The following STKLD1 variants were observed in gnomAD, a reference collection of about 807,000 sequenced individuals.
STKLD1 encodes serine/threonine kinase like domain containing 1.
In STKLD1, 79 loss-of-function variants were observed where a neutral mutation model predicts 80.4. That is an observed-to-expected ratio of 0.98 (90% CI 0.82 to 1.19). STKLD1 has a LOEUF of 1.19. STKLD1 is among the 50% of genes most tolerant of loss of function. The pLI is 0.00. For missense variants in STKLD1, 841 were observed against 856.0 expected (o/e 0.98, Z 0.22); for synonymous variants, 393 against 357.6 (o/e 1.10, Z -1.12).
chr9:133,401,129 A>G (rs992672683), intron 12 of STKLD1, among the ~76,000 whole-genome samples: 1 of 118,950 alleles, frequency 8.4e-6, no homozygotes, highest in Non-Finnish European at 1.8e-5. Context: ...TTTGAAACAA[A>G]AAGTATTTAG....
intron 2 of STKLD1, among the ~76,000 whole-genome samples, chr9:133,379,854 C>A (rs896263116): frequency 6.6e-6 from 1 of 152,190 alleles, no homozygotes; most frequent in African/African-American, 2.4e-5. Context: ...GCGGGAGGAG[C>A]CTTGTCAGCA....
At chr9:133,402,413 C>G (rs1213554076) in intron 13 of STKLD1, among the ~76,000 whole-genome samples, 1 of 152,190 alleles carries the variant, frequency 6.6e-6, no homozygotes, top group East Asian at 1.9e-4. Flanking sequence ...CCCCAGCACC[C>G]TCTTTACTGC....
intron 8 of STKLD1, among the ~76,000 whole-genome samples, chr9:133,395,302 G>C (rs1838530900): frequency 6.6e-6 from 1 of 152,074 alleles, no homozygotes; most frequent in Non-Finnish European, 1.5e-5. Context: ...GTGACCCTGG[G>C]CATGCTCACA....
chr9:133,376,607 G>C, intron 1 of STKLD1, 47 bp downstream of exon 1: 1 of 1,502,136 alleles, frequency 6.7e-7, no homozygotes, highest in South Asian at 1.2e-5. Flanking sequence ...TGGGGTAACG[G>C]TCGCAACCCT....
chr9:133,394,032 G>T lies in STKLD1; in HGVS notation c.584-259G>T. The T allele has an allele frequency of 2.1e-6, 1 of 487,520 alleles. No individual in the cohort carries two copies. Among genetic ancestry groups the T allele is most frequent in the Non-Finnish European group, 3.7e-6 (1 of 269,382 alleles). 30.2% of individuals were successfully genotyped at this position (487,520 alleles called of 1,614,324 possible). On this transcript the variant is annotated intron_variant, in intron 7 of 17. Transcript: ENST00000371957. The surrounding 1 kb of genome is among the most constrained non-coding windows in gnomAD (Gnocchi z 4.9). ...GGCACACAGACACACCACCTATATG[G>T]GCCAGCCTGGTGGGCACCCACCAAG...
Position 133,384,144 on chromosome 9 carries a change from A to C in STKLD1, c.219+244A>C. On this transcript the variant is annotated intron_variant, in intron 3 of 17. Coordinates refer to ENST00000371957, the MANE Select transcript of STKLD1 (RefSeq NM_153710.5). This position sits in a 1 kb window ranked among gnomAD's most constrained non-coding sequence, Gnocchi z 4.3. ...GAACATATGTTCCCAGAGAACATAA[A>C]ATTTAAATATTGGGCTGGGCACGGT... The C allele has an allele frequency of 1.9e-6, 1 of 530,160 alleles. No homozygotes were observed. The allele number at this position is 530,160 out of a possible 1,614,324, so 32.8% of individuals were successfully genotyped here.
In STKLD1 at chr9:133,385,774, C is replaced by T; in HGVS notation, c.294+83C>T. 1 of 1,278,032 alleles carries T rather than the reference C, an allele frequency of 7.8e-7. No homozygotes were observed. Among genetic ancestry groups the T allele is most frequent in the South Asian group, 1.2e-5 (1 of 80,842 alleles). 79.2% of individuals were successfully genotyped at this position (1,278,032 alleles called of 1,614,324 possible). A position where few individuals can be genotyped will look rare whatever the true frequency, so the allele number is the denominator to read the frequency against. ...GCAGACTGAGCCCAGAGCACGCCCA[C>T]CCCCCACTGTCAGAATAGCTCGTGT... On this transcript the variant is annotated intron_variant, in intron 4 of 17. Transcript: ENST00000371957. The surrounding 1 kb of genome is among the most constrained non-coding windows in gnomAD (Gnocchi z 4.9).
chr9:133,404,671 G>T, intron 16 of STKLD1, 118 bp from the exon 17 acceptor site: 1 of 1,426,130 alleles, frequency 7.0e-7, no homozygotes, highest in Non-Finnish European at 9.4e-7. Context: ...CCTGGGTCCC[G>T]TCTCTTGTCC....
intron 4 of STKLD1, 38 bp from the exon 5 acceptor site, chr9:133,387,409 C>T (rs1394765994): frequency 1.9e-6 from 3 of 1,572,150 alleles, no homozygotes; most frequent in Admixed American, 1.7e-5. Flanking sequence ...GCACCGGGGC[C>T]TGGGCGTCCT....
Position 133,405,289 on chromosome 9 carries a change from GGC to G in STKLD1, c.1912_1913del (p.Ala638ProfsTer16). On this transcript the variant is annotated frameshift_variant, in exon 18 of 18. Transcript: ENST00000371957. LOFTEE classifies it low-confidence loss of function (END_TRUNC). ...CGGAGCTGGTGTCCAGTAGTATGAA[GGC>G]CCTGCTCCAGGAGATCAAGGAGCGC... ...LPELVSSSMK[A>X]LLQEIKERFT... 1 of 1,612,670 alleles carries G rather than the reference GGC, an allele frequency of 6.2e-7. No individual in the cohort carries two copies. The highest frequency in any genetic ancestry group is 8.5e-7 in the Non-Finnish European group (1 of 1,179,732).
chr9:133,379,801 G>A (rs1310780550), intron 2 of STKLD1, among the ~76,000 whole-genome samples: 1 of 152,232 alleles, frequency 6.6e-6, no homozygotes, highest in African/African-American at 2.4e-5. Context: ...CCTCCTCTCT[G>A]TGGTGGTGGC....
rs113247190 is a variant in STKLD1, at chr9:133,389,605, G to A, written c.467+9G>A. The A allele has an allele frequency of 4.3e-3, 6,935 of 1,613,462 alleles. 124 individuals are homozygous for A. In the African/African-American group the frequency reaches 0.048, roughly 11 times the overall value. On this transcript the variant is annotated intron_variant, in intron 6 of 17. Coordinates refer to ENST00000371957, the MANE Select transcript of STKLD1 (RefSeq NM_153710.5). The surrounding 1 kb of genome is among the most constrained non-coding windows in gnomAD (Gnocchi z 6.4). ...TTGGACATCATCCACAGGTAAGTGG[G>A]GCCCCTGACCTCTGCGGACTGGCTG...
In STKLD1 at chr9:133,387,536, C is replaced by G. The variant is rs1838291925; in HGVS notation, c.384C>G (p.Ile128Met). The G allele has an allele frequency of 1.9e-6, 3 of 1,613,892 alleles. No individual in the cohort carries two copies. The Admixed American group carries it at 5.0e-5, about 27-fold the overall frequency. ...AGGATAAGAGGAAGGCAAAGAAAAT[C>G]ATTGACTCTGAGGTGAGGTCCTTTG... ...VIEDKRKAKK[I>M]IDSEWMQNVL... The change falls in exon 5 of 18, where the codon ATC becomes ATG. Residue 128 changes from isoleucine (I) to methionine (M), a missense_variant. Physicochemically the swap from Ile to Met is conservative, Grantham distance 10. Coordinates refer to ENST00000371957, the MANE Select transcript of STKLD1 (RefSeq NM_153710.5).
chr9:133,377,531 C>T (rs984487806), intron 1 of STKLD1, among the ~76,000 whole-genome samples: 3 of 152,132 alleles, frequency 2.0e-5, no homozygotes, highest in Admixed American at 6.5e-5. Flanking sequence ...GGTGTGGTGG[C>T]GCATGCCTGT....
chr9:133,403,978 G>A lies in STKLD1; in HGVS notation c.1662G>A (p.Arg554=). 3 of 1,611,690 alleles carry A rather than the reference G, an allele frequency of 1.9e-6. No individual in the cohort carries two copies. The South Asian group carries it at 3.3e-5, about 18-fold the overall frequency. ...QVVALLLQSI[R]LCQDRALLVN... ...TGGCGCTGCTCCTGCAAAGCATCCG[G>A]CTGTGCCAGGACAGAGCCCTGCTGG... Residue 554 remains arginine, a synonymous_variant, in exon 16 of 18, where the codon CGG becomes CGA. Coordinates refer to ENST00000371957, the MANE Select transcript of STKLD1 (RefSeq NM_153710.5).
At chr9:133,401,656 C>A in intron 12 of STKLD1, 82 bp from the exon 13 acceptor site, 4 of 1,484,532 alleles carry the variant, frequency 2.7e-6, no homozygotes, top group East Asian at 2.4e-5. Context: ...AGATGCTATC[C>A]CCCAGCCTGT....
chr9:133,383,253 TGGTGTTG>T (rs1838183781), intron 2 of STKLD1, among the ~76,000 whole-genome samples: 1 of 44,764 alleles, frequency 2.2e-5, no homozygotes, highest in Non-Finnish European at 4.8e-5. Flanking sequence ...GTGATGGTGG[TGGTGTTG>T]GAGTGATGGT....
At position 133,394,554 on chromosome 9, in the gene STKLD1, C is replaced by G; in HGVS notation, c.702+145C>G. 1.5e-6 allele frequency: 1 copy of G among 672,712 alleles called. No individual in the cohort carries two copies. Among genetic ancestry groups the G allele is most frequent in the Non-Finnish European group, 2.7e-6 (1 of 375,460 alleles). 41.7% of individuals were successfully genotyped at this position (672,712 alleles called of 1,614,324 possible). A position where few individuals can be genotyped will look rare whatever the true frequency, so the allele number is the denominator to read the frequency against. ...TGCACAGAGCCCTCTTCTCCACCTG[C>G]GAGGGGCCTGCCCTCCTCAGAACCC... On this transcript the variant is annotated intron_variant, in intron 8 of 17. Coordinates refer to ENST00000371957, the MANE Select transcript of STKLD1 (RefSeq NM_153710.5). The surrounding 1 kb of genome is among the most constrained non-coding windows in gnomAD (Gnocchi z 4.9).
In STKLD1 at chr9:133,386,831, G is replaced by C. The variant is rs2130278241; in HGVS notation, c.295-616G>C. Reference sequence around the variant, plus strand: ...TTCTGCCAGGCGCCAGCCTGCATGAGATGTCCACACTGGTGTTCCCACCTG... The same window carrying C: ...TTCTGCCAGGCGCCAGCCTGCATGACATGTCCACACTGGTGTTCCCACCTG... On this transcript the variant is annotated intron_variant, in intron 4 of 17. Coordinates refer to ENST00000371957, the MANE Select transcript of STKLD1 (RefSeq NM_153710.5). Among the ~76,000 whole-genome samples, 33 of 152,352 alleles carry C rather than the reference G, an allele frequency of 2.2e-4. 1 individual carries two copies. The highest frequency in any genetic ancestry group is 3.4e-3 in the Middle Eastern group (1 of 294).
Sources: gnomAD v4.1 joint callset for allele counts (sites outside exome capture counted in the v4.1 genomes callset) on GRCh38, gnomAD v4.1.1 for gene constraint, Gnocchi (gnomAD v3.1) non-coding constraint, MANE v1.5 for transcripts, NCBI Gene and HGNC (gene_info 2026-07-23, HGNC 2026-07-21) for gene names.